SLC6A6: variants seen among roughly 807,000 people sequenced by gnomAD.
The protein encoded by SLC6A6 is sodium- and chloride-dependent taurine transporter.
Under a neutral mutation model 68.8 loss-of-function variants are expected in SLC6A6, and 16 were observed. The ratio of observed to expected loss-of-function variants is 0.23; its 90% confidence interval spans 0.16 to 0.35. The LOEUF is 0.35. SLC6A6 is among the 10% of genes least tolerant of loss of function. SLC6A6 has a pLI of 1.00. For synonymous variants in SLC6A6, 312 were observed against 315.4 expected, an observed-to-expected ratio of 0.99 and a Z score of 0.12; for missense variants, 474 against 802.8, an observed-to-expected ratio of 0.59 and a Z score of 4.95.
At chr3:14,461,664 C>T (rs1026739983) in intron 6 of SLC6A6, among the ~76,000 whole-genome samples, 1 of 152,208 alleles carries the variant, frequency 6.6e-6, no homozygotes. Flanking sequence ...GTAGTCAGAG[C>T]CAGGTCCTTT....
intron 1 of SLC6A6, among the ~76,000 whole-genome samples, chr3:14,403,283 G>A (rs1175100906): frequency 6.6e-6 from 1 of 152,202 alleles, no homozygotes; most frequent in Non-Finnish European, 1.5e-5. Flanking sequence ...CTGTGTGTGT[G>A]TGCCTCTCTG....
At chr3:14,415,607 G>A (rs1699345317) in intron 1 of SLC6A6, among the ~76,000 whole-genome samples, 1 of 152,188 alleles carries the variant, frequency 6.6e-6, no homozygotes, top group Non-Finnish European at 1.5e-5. Context: ...AGGAATCCAG[G>A]AGAGCCTTCC....
intron 6 of SLC6A6, among the ~76,000 whole-genome samples, chr3:14,464,142 T>C (rs1382355520): frequency 6.6e-6 from 1 of 152,078 alleles, no homozygotes; most frequent in Non-Finnish European, 1.5e-5. Flanking sequence ...GGGGAAACAG[T>C]CTAGAGCGGA....
chr3:14,458,669 C>A (rs1243374330), intron 6 of SLC6A6, among the ~76,000 whole-genome samples: 1 of 152,224 alleles, frequency 6.6e-6, no homozygotes, highest in Non-Finnish European at 1.5e-5. Context: ...TTGAGAGGCA[C>A]TGGCTTAGAT....
chr3:14,458,545 G>A (rs1391313313), intron 6 of SLC6A6, among the ~76,000 whole-genome samples: 1 of 152,234 alleles, frequency 6.6e-6, no homozygotes, highest in African/African-American at 2.4e-5. Flanking sequence ...TGCAGAGGGG[G>A]CCACAAGCAT....
intron 2 of SLC6A6, among the ~76,000 whole-genome samples, chr3:14,440,431 G>A (rs187747669): frequency 1.9e-4 from 29 of 152,142 alleles, no homozygotes; most frequent in Admixed American, 4.6e-4. Flanking sequence ...TGTGTGGCCC[G>A]TGTCCCAAGG....
At chr3:14,454,889 G>A (rs549685757) in intron 5 of SLC6A6, among the ~76,000 whole-genome samples, 1 of 152,246 alleles carries the variant, frequency 6.6e-6, no homozygotes, top group South Asian at 2.1e-4. Context: ...CATGTCTCAT[G>A]CACTGTTCTT....
At chr3:14,408,531 C>T (rs1699161013) in intron 1 of SLC6A6, among the ~76,000 whole-genome samples, 1 of 152,086 alleles carries the variant, frequency 6.6e-6, no homozygotes, top group South Asian at 2.1e-4. Flanking sequence ...GACAGGGTTT[C>T]ACCATGTTGG....
chr3:14,484,898 C>A lies in SLC6A6; in HGVS notation c.1754C>A (p.Pro585His). The A allele has an allele frequency of 6.2e-7, 1 of 1,612,216 alleles. No homozygotes were observed. The change falls in exon 15 of 15, where the codon CCC (proline) becomes CAC (histidine). Residue 585 changes from proline to histidine, a missense_variant. By Grantham distance (77) the Pro-to-His change is moderately conservative. Transcript: ENST00000622186. ...RVKYLLTPRE[P>H]NRWAVEREGA... ...AAGTACCTGCTGACCCCAAGGGAAC[C>A]CAACCGCTGGGCTGTGGAGCGCGAG...
intron 2 of SLC6A6, among the ~76,000 whole-genome samples, chr3:14,417,731 C>CG (rs1340595375): frequency 1.2e-4 from 14 of 115,762 alleles, no homozygotes; most frequent in African/African-American, 6.7e-4. Flanking sequence ...GACTCCGTCT[C>CG]GAAAAAAAAA....
At chr3:14,457,870 C>T in intron 5 of SLC6A6, 80 bp from the exon 6 acceptor site, 1 of 1,418,192 alleles carries the variant, frequency 7.1e-7, no homozygotes, top group South Asian at 1.2e-5. Flanking sequence ...TGACCCCCAG[C>T]CTGTTAATGT....
At chr3:14,443,123 T>C (rs545645297) in intron 2 of SLC6A6, among the ~76,000 whole-genome samples, 17 of 152,336 alleles carry the variant, frequency 1.1e-4, no homozygotes, top group African/African-American at 4.1e-4. Context: ...GTCATCCCTG[T>C]GGGCTGGGCA....
chr3:14,465,719 T>C (rs1250677777), intron 6 of SLC6A6, among the ~76,000 whole-genome samples: 1 of 152,252 alleles, frequency 6.6e-6, no homozygotes, highest in Non-Finnish European at 1.5e-5. Context: ...ACCAACATTG[T>C]AGTTAGTTGT....
intron 1 of SLC6A6, among the ~76,000 whole-genome samples, chr3:14,403,098 G>A (rs959494520): frequency 7.0e-6 from 1 of 142,494 alleles, no homozygotes; most frequent in Non-Finnish European, 1.5e-5. Flanking sequence ...GTGTGTGTGT[G>A]TGTGTGTGTG....
Position 14,481,571 on chromosome 3 carries a change from G to T in SLC6A6, c.1552-100G>T. 1.3e-6 allele frequency: 1 copy of T among 779,706 alleles called. No individual in the cohort carries two copies. Among genetic ancestry groups the T allele is most frequent in the Non-Finnish European group, 2.2e-6 (1 of 464,350 alleles). 48.3% of individuals were successfully genotyped at this position (779,706 alleles called of 1,614,324 possible). ...TTCTGAGCCAGTCCTTTCCCAAGGA[G>T]AGAGACCCTTCCCTCAGGTTGAGGC... is the stretch of plus-strand genomic sequence containing the variant. On this transcript the variant is annotated intron_variant, in intron 13 of 14. Transcript: ENST00000622186. This position sits in a 1 kb window ranked among gnomAD's most constrained non-coding sequence, Gnocchi z 4.7.
At position 14,431,154 on chromosome 3, in the gene SLC6A6, G is replaced by A. The variant is rs572382226; in HGVS notation, c.-11-12470G>A. On this transcript the variant is annotated intron_variant, in intron 2 of 14. Transcript: ENST00000622186. ...TCTGTAGAGTTTTGACCATCTGATG[G>A]GAAACTGTGCTCAGATGTTGGGAGC... Among the ~76,000 whole-genome samples the A allele has an allele frequency of 7.0e-4, 106 of 152,278 alleles. 1 individual carries two copies. Among genetic ancestry groups the A allele is most frequent in the African/African-American group, 2.1e-3 (87 of 41,544 alleles).
Position 14,484,875 on chromosome 3 carries a change from G to C in SLC6A6, c.1731G>C (p.Lys577Asn). 1 of 1,611,946 alleles carries C rather than the reference G, an allele frequency of 6.2e-7. No individual in the cohort carries two copies. Among genetic ancestry groups the C allele is most frequent in the Non-Finnish European group, 8.5e-7 (1 of 1,179,950 alleles). Residue 577 changes from lysine (K) to asparagine (N), a missense_variant, in exon 15 of 15, where the codon AAG (lysine) becomes AAC (asparagine). Lys to Asn is a moderately conservative substitution (Grantham distance 94). Around this residue, in one of 2 missense-constraint regions of SLC6A6, gnomAD observed 194 missense variants for 269.8 expected, o/e 0.72. Transcript: ENST00000622186. ...CTGTCATCCTTCTCCAGAGAGTCAAGTACCTGCTGACCCCAAGGGAACCCA... is the reference window on the plus strand; with the variant it reads ...CTGTCATCCTTCTCCAGAGAGTCAACTACCTGCTGACCCCAAGGGAACCCA... Reference protein sequence around the residue: ...QTEGPFLVRVKYLLTPREPNR... With the variant: ...QTEGPFLVRVNYLLTPREPNR...
rs143409393 is a variant in SLC6A6, at chr3:14,435,356, C to T, written c.-11-8268C>T. Among the ~76,000 whole-genome samples, 141 of 152,280 alleles carry T rather than the reference C, an allele frequency of 9.3e-4. 1 individual carries two copies. The highest frequency in any genetic ancestry group is 3.4e-3 in the African/African-American group (140 of 41,556). On this transcript the variant is annotated intron_variant, in intron 2 of 14. Coordinates refer to ENST00000622186, the MANE Select transcript of SLC6A6 (RefSeq NM_003043.6). The stretch of plus-strand genomic sequence containing the variant: ...GGCTTCTAGCGGAGGTCGGGGGTCT[C>T]TGAGGGTAGACCCGTACTTTGGTGG...
At chr3:14,440,294 G>T (rs1469245482) in intron 2 of SLC6A6, among the ~76,000 whole-genome samples, 2 of 152,094 alleles carry the variant, frequency 1.3e-5, no homozygotes, top group African/African-American at 2.4e-5. Flanking sequence ...TCTGGTCCCT[G>T]TAGGGGCCAG....
Sources: gnomAD v4.1 joint callset for allele counts (sites outside exome capture counted in the v4.1 genomes callset) on GRCh38, gnomAD v4.1.1 for gene constraint, gnomAD v4.1.1 regional missense constraint, Gnocchi (gnomAD v3.1) non-coding constraint, MANE v1.5 for transcripts, NCBI Gene and HGNC (gene_info 2026-07-23, HGNC 2026-07-21) for gene names.